The following RSRC1 variants were observed in gnomAD, a reference collection of about 807,000 sequenced individuals.
The protein encoded by RSRC1 is serine/Arginine-related protein 53.
In RSRC1, 39 loss-of-function variants were observed where a neutral mutation model predicts 49.1. That is an observed-to-expected ratio of 0.79 (90% CI 0.61 to 1.04). RSRC1 has a LOEUF of 1.04. Ranked by LOEUF, RSRC1 falls within the 50% of genes least tolerant of loss-of-function variation. The probability of loss-of-function intolerance (pLI) is 0.00; values close to 1 mark genes in which losing one functional copy is unlikely to be tolerated. For synonymous variants in RSRC1, 143 were observed against 130.8 expected (o/e 1.09, Z -0.63); for missense variants, 388 against 402.4 (o/e 0.96, Z 0.31).
At chr3:158,266,773 G>T (rs1725206547) in intron 4 of RSRC1, among the ~76,000 whole-genome samples, 1 of 151,500 alleles carries the variant, frequency 6.6e-6, no homozygotes, top group African/African-American at 2.4e-5. Flanking sequence ...TTGATACAGG[G>T]TTTCACTCCT....
At chr3:158,373,068 T>G (rs960498280) in intron 6 of RSRC1, among the ~76,000 whole-genome samples, 2 of 151,878 alleles carry the variant, frequency 1.3e-5, no homozygotes, top group African/African-American at 4.8e-5. Flanking sequence ...TCAAACTCAC[T>G]TAGAGATTAC....
chr3:158,541,518 A>G (rs1309549976), intron 8 of RSRC1, among the ~76,000 whole-genome samples: 2 of 152,238 alleles, frequency 1.3e-5, no homozygotes, highest in Non-Finnish European at 2.9e-5. Context: ...AATACTGGTT[A>G]AATAAATGGA....
intron 6 of RSRC1, among the ~76,000 whole-genome samples, chr3:158,364,103 A>G (rs1731627961): frequency 6.6e-6 from 1 of 152,186 alleles, no homozygotes; most frequent in South Asian, 2.1e-4. Flanking sequence ...TTCTCTTCAT[A>G]GCCATGTGAT....
intron 7 of RSRC1, among the ~76,000 whole-genome samples, chr3:158,498,282 C>G (rs544371408): frequency 1.3e-5 from 2 of 150,382 alleles, no homozygotes; most frequent in African/African-American, 2.4e-5. Flanking sequence ...TAGTGTTGCA[C>G]TGTGGTTTGG....
At chr3:158,142,920 C>T (rs375569291) in intron 3 of RSRC1, among the ~76,000 whole-genome samples, 12 of 152,188 alleles carry the variant, frequency 7.9e-5, no homozygotes, top group African/African-American at 2.9e-4. Context: ...AATTTTGTAT[C>T]ATCAGTTCCT....
At chr3:158,132,754 C>T (rs2108182422) in intron 3 of RSRC1, among the ~76,000 whole-genome samples, 1 of 152,264 alleles carries the variant, frequency 6.6e-6, no homozygotes, top group East Asian at 1.9e-4. Flanking sequence ...TTGTATTGCA[C>T]TATTAAATTT....
intron 5 of RSRC1, among the ~76,000 whole-genome samples, chr3:158,315,606 T>C (rs1246546302): frequency 6.6e-6 from 1 of 152,136 alleles, no homozygotes; most frequent in African/African-American, 2.4e-5. Context: ...AAATTAAAAT[T>C]TCAAAATAAA....
chr3:158,257,683 T>C (rs77132977), intron 4 of RSRC1, among the ~76,000 whole-genome samples: 6,016 of 152,240 alleles, frequency 0.04, 163 homozygotes, highest in East Asian at 0.09. Flanking sequence ...ATTTTGTTAT[T>C]TGTGTTCTAG....
At chr3:158,145,637 A>G (rs1318020765) in intron 3 of RSRC1, among the ~76,000 whole-genome samples, 3 of 152,162 alleles carry the variant, frequency 2.0e-5, no homozygotes, top group South Asian at 2.1e-4. Flanking sequence ...TTCCATATGA[A>G]CTTTAAAGTA....
intron 6 of RSRC1, among the ~76,000 whole-genome samples, chr3:158,430,724 G>A (rs552397094): frequency 5.9e-5 from 9 of 151,994 alleles, no homozygotes; most frequent in African/African-American, 1.9e-4. Flanking sequence ...CACACTATGA[G>A]CATATTGAGA....
intron 5 of RSRC1, among the ~76,000 whole-genome samples, chr3:158,321,574 T>TA (rs1728763507): frequency 1.4e-5 from 2 of 147,140 alleles, no homozygotes; most frequent in African/African-American, 2.5e-5. Context: ...TTTTTTTTTT[T>TA]TAAACACACT....
At chr3:158,275,976 A>T in intron 4 of RSRC1, 1 of 770,530 alleles carries the variant, frequency 1.3e-6, no homozygotes, top group Non-Finnish European at 2.3e-6. Context: ...TCGGTGATCC[A>T]TGGGTGTCAG....
At chr3:158,365,213 A>G (rs1012598841) in intron 6 of RSRC1, among the ~76,000 whole-genome samples, 1 of 152,294 alleles carries the variant, frequency 6.6e-6, no homozygotes, top group South Asian at 2.1e-4. Context: ...GATTTGTTAC[A>G]TAGGTATACA....
At chr3:158,167,891 A>G (rs1445332606) in intron 3 of RSRC1, among the ~76,000 whole-genome samples, 1 of 152,138 alleles carries the variant, frequency 6.6e-6, no homozygotes, top group East Asian at 1.9e-4. Context: ...CTGTGGTACA[A>G]CTACGTCAGG....
chr3:158,389,006 A>G (rs183963133), intron 6 of RSRC1, among the ~76,000 whole-genome samples: 50 of 152,340 alleles, frequency 3.3e-4, no homozygotes, highest in African/African-American at 1.2e-3. Context: ...GAGTTAAATG[A>G]TTGTAAAAAT....
intron 4 of RSRC1, among the ~76,000 whole-genome samples, chr3:158,292,670 T>A (rs1187835583): frequency 1.3e-5 from 2 of 152,236 alleles, no homozygotes; most frequent in South Asian, 2.1e-4. Context: ...GATCCTTCTG[T>A]CAATGTCTTG....
intron 5 of RSRC1, among the ~76,000 whole-genome samples, chr3:158,328,894 C>G (rs1037798223): frequency 4.6e-5 from 7 of 152,330 alleles, no homozygotes; most frequent in South Asian, 2.1e-4. Context: ...TAGATTTTGT[C>G]TTTTCACATA....
At chr3:158,186,349 A>G (rs1223498658) in intron 3 of RSRC1, among the ~76,000 whole-genome samples, 2 of 151,986 alleles carry the variant, frequency 1.3e-5, no homozygotes, top group Admixed American at 6.6e-5. Flanking sequence ...ATTTAGTGCA[A>G]CTACTTTTAT....
At chr3:158,427,239 A>G (rs1318280852) in intron 6 of RSRC1, among the ~76,000 whole-genome samples, 1 of 151,864 alleles carries the variant, frequency 6.6e-6, no homozygotes, top group Non-Finnish European at 1.5e-5. Context: ...CACCTAGATG[A>G]AAGCAACTAC....
Sources: allele counts gnomAD v4.1 joint callset (sites outside exome capture counted in the v4.1 genomes callset), GRCh38; gene constraint gnomAD v4.1.1; transcripts MANE v1.5; gene names NCBI Gene and HGNC (gene_info 2026-07-23, HGNC 2026-07-21).